The following OSBP2 variants were observed in gnomAD, a reference collection of about 807,000 sequenced individuals.
OSBP2 encodes the protein oxysterol binding protein 2.
Under a neutral mutation model 96.0 loss-of-function variants are expected in OSBP2, and 66 were observed. That is an observed-to-expected ratio of 0.69 (90% CI 0.56 to 0.84). The LOEUF (loss-of-function observed/expected upper bound fraction) is 0.84, where lower values mean the gene tolerates loss of function less well. Among genes scored for constraint, OSBP2 ranks in the 40% least tolerant of loss-of-function variants. OSBP2 has a pLI of 0.00. For synonymous variants in OSBP2, 525 were observed against 520.9 expected (o/e 1.01, Z -0.11); for missense variants, 1,038 against 1,222.7 (o/e 0.85, Z 2.25).
At chr22:30,705,173 A>G (rs1421159593) in intron 1 of OSBP2, among the ~76,000 whole-genome samples, 1 of 152,170 alleles carries the variant, frequency 6.6e-6, no homozygotes, top group East Asian at 1.9e-4. Flanking sequence ...GGTTGATTGC[A>G]TCACAGACAC....
At chr22:30,786,291 G>A (rs1489875089) in intron 2 of OSBP2, among the ~76,000 whole-genome samples, 3 of 152,154 alleles carry the variant, frequency 2.0e-5, no homozygotes, top group Admixed American at 2.0e-4. Flanking sequence ...CCAAAGTGCT[G>A]GGATTTCAGG....
At chr22:30,899,180 A>G (rs2040134342) in intron 12 of OSBP2, among the ~76,000 whole-genome samples, 1 of 152,062 alleles carries the variant, frequency 6.6e-6, no homozygotes, top group South Asian at 2.1e-4. Flanking sequence ...CATGAGTTCA[A>G]GACCAACCTG....
chr22:30,779,493 A>C (rs915044618), intron 2 of OSBP2, among the ~76,000 whole-genome samples: 2 of 152,080 alleles, frequency 1.3e-5, no homozygotes, highest in African/African-American at 4.8e-5. Flanking sequence ...ACCATTATTC[A>C]TATACTGAGG....
intron 3 of OSBP2, among the ~76,000 whole-genome samples, chr22:30,879,854 C>A (rs532166162): frequency 6.6e-6 from 1 of 152,268 alleles, no homozygotes; most frequent in South Asian, 2.1e-4. Context: ...GAGTTTGAGA[C>A]CAGCCTGGCC....
chr22:30,893,368 C>G lies in OSBP2; in HGVS notation c.1991-95C>G, dbSNP rs559730354. 77 of 1,533,994 alleles carry G rather than the reference C, an allele frequency of 5.0e-5. 1 individual carries two copies. The Admixed American group carries it at 1.3e-3, about 26-fold the overall frequency. ...CTCCCTGTAGGCCTGCCTCTTCAACCCCCCAGCCTAGTTCTCAAGACACCA... is the reference window on the plus strand; with the variant it reads ...CTCCCTGTAGGCCTGCCTCTTCAACGCCCCAGCCTAGTTCTCAAGACACCA... On this transcript the variant is annotated intron_variant, in intron 9 of 13. Coordinates refer to ENST00000332585, the MANE Select transcript of OSBP2 (RefSeq NM_030758.4).
chr22:30,728,172 G>A (rs185929979), intron 1 of OSBP2, among the ~76,000 whole-genome samples: 2,103 of 151,970 alleles, frequency 0.014, 44 homozygotes, highest in African/African-American at 0.047. Context: ...TGAGGCGGGC[G>A]GATCACGAGG....
At chr22:30,781,470 A>G (rs1047229758) in intron 2 of OSBP2, among the ~76,000 whole-genome samples, 1 of 152,154 alleles carries the variant, frequency 6.6e-6, no homozygotes. Flanking sequence ...CCTGTGGCTC[A>G]GGCCCCAGCC....
chr22:30,823,372 T>G (rs1463542368), intron 2 of OSBP2, among the ~76,000 whole-genome samples: 1 of 152,238 alleles, frequency 6.6e-6, no homozygotes, highest in Non-Finnish European at 1.5e-5. Flanking sequence ...ATTGGAAATT[T>G]TGCGTGAGTG....
intron 2 of OSBP2, among the ~76,000 whole-genome samples, chr22:30,802,120 C>G (rs1318310086): frequency 6.6e-6 from 1 of 152,180 alleles, no homozygotes; most frequent in African/African-American, 2.4e-5. Context: ...GGAGCCCCAC[C>G]CCACCCTCAT....
intron 1 of OSBP2, among the ~76,000 whole-genome samples, chr22:30,705,735 G>A (rs2089242775): frequency 6.6e-6 from 1 of 152,182 alleles, no homozygotes; most frequent in Non-Finnish European, 1.5e-5. Context: ...GTGACAGTGA[G>A]CCTGCACTAG....
At chr22:30,711,632 C>T (rs2089352306) in intron 1 of OSBP2, among the ~76,000 whole-genome samples, 1 of 150,718 alleles carries the variant, frequency 6.6e-6, no homozygotes, top group South Asian at 2.1e-4. Context: ...CCGAGCTACT[C>T]AGGAGGCTGA....
chr22:30,737,955 A>C (rs2089880763), intron 1 of OSBP2, among the ~76,000 whole-genome samples: 1 of 151,068 alleles, frequency 6.6e-6, no homozygotes, highest in Non-Finnish European at 1.5e-5. Flanking sequence ...CTCGTGATCC[A>C]CCCGGCTCGG....
intron 12 of OSBP2, chr22:30,902,744 G>T: frequency 2.2e-6 from 1 of 460,978 alleles, no homozygotes; most frequent in Admixed American, 3.0e-5. Flanking sequence ...AGGGGTGCCA[G>T]ACCCAGAGTG....
chr22:30,800,822 G>A (rs1447092183), intron 2 of OSBP2, among the ~76,000 whole-genome samples: 1 of 152,172 alleles, frequency 6.6e-6, no homozygotes, highest in Non-Finnish European at 1.5e-5. Context: ...GGTTGTTTGT[G>A]TTGGTTCCAA....
intron 2 of OSBP2, among the ~76,000 whole-genome samples, chr22:30,828,552 T>C (rs2038453485): frequency 6.6e-6 from 1 of 151,692 alleles, no homozygotes; most frequent in Non-Finnish European, 1.5e-5. Context: ...CATGCAGGAG[T>C]CCATGAGCTC....
At chr22:30,827,380 A>G (rs2038426389) in intron 2 of OSBP2, among the ~76,000 whole-genome samples, 1 of 152,170 alleles carries the variant, frequency 6.6e-6, no homozygotes, top group South Asian at 2.1e-4. Flanking sequence ...TCTGCCATGC[A>G]AACCTAACAT....
At chr22:30,894,539 G>A (rs1376719564) in intron 12 of OSBP2, 5 of 153,358 alleles carry the variant, frequency 3.3e-5, no homozygotes, top group Admixed American at 1.9e-4. Flanking sequence ...CTGGGAGCGA[G>A]TTTGAGTGCA....
At chr22:30,740,920 T>A (rs2089929369) in intron 1 of OSBP2, among the ~76,000 whole-genome samples, 1 of 152,174 alleles carries the variant, frequency 6.6e-6, no homozygotes, top group African/African-American at 2.4e-5. Flanking sequence ...CCTGCACACG[T>A]GGCACCAATG....
At chr22:30,730,816 T>TA in intron 1 of OSBP2, among the ~76,000 whole-genome samples, 1 of 109,698 alleles carries the variant, frequency 9.1e-6, no homozygotes, top group Non-Finnish European at 1.9e-5. Context: ...ATAATTTTTT[T>TA]TTTTTTTCCC....
Sources: allele counts gnomAD v4.1 joint callset (sites outside exome capture counted in the v4.1 genomes callset), GRCh38; gene constraint gnomAD v4.1.1; transcripts MANE v1.5; gene names NCBI Gene and HGNC (gene_info 2026-07-23, HGNC 2026-07-21).